PPM1H: variants seen among roughly 807,000 people sequenced by gnomAD.
The protein encoded by PPM1H is protein phosphatase 1H.
A neutral mutation model predicts 54.9 loss-of-function variants in PPM1H; 27 were observed. The ratio of observed to expected loss-of-function variants is 0.49; its 90% confidence interval spans 0.36 to 0.68. The LOEUF (loss-of-function observed/expected upper bound fraction) is 0.68. Among genes scored for constraint, PPM1H ranks in the 30% least tolerant of loss-of-function variants. PPM1H has a pLI of 0.00. For missense variants in PPM1H, 596 were observed against 667.8 expected (o/e 0.89, Z 1.19); for synonymous variants, 305 against 270.8 (o/e 1.13, Z -1.24).
At chr12:62,748,023 G>T (rs2076422131) in intron 4 of PPM1H, among the ~76,000 whole-genome samples, 1 of 152,174 alleles carries the variant, frequency 6.6e-6, no homozygotes, top group African/African-American at 2.4e-5. Context: ...CTAGCTGCTG[G>T]ACTTGAGAAG....
chr12:62,695,779 C>T (rs558559508), intron 6 of PPM1H, among the ~76,000 whole-genome samples: 2 of 152,240 alleles, frequency 1.3e-5, no homozygotes, highest in East Asian at 3.9e-4. Context: ...CAATTAGCCC[C>T]TTATCAGCTT....
At chr12:62,683,025 GTTTATTA>G (rs1204633115) in intron 8 of PPM1H, among the ~76,000 whole-genome samples, 8 of 140,210 alleles carry the variant, frequency 5.7e-5, no homozygotes, top group East Asian at 2.0e-4. Flanking sequence ...ATTTGGGAGA[GTTTATTA>G]TTTATTATTA....
intron 6 of PPM1H, among the ~76,000 whole-genome samples, chr12:62,694,851 G>A (rs2076105077): frequency 6.6e-6 from 1 of 152,198 alleles, no homozygotes; most frequent in African/African-American, 2.4e-5. Flanking sequence ...AGCCCACTTA[G>A]TGGCAGTTAT....
intron 1 of PPM1H, among the ~76,000 whole-genome samples, chr12:62,833,034 G>T (rs1430723969): frequency 6.6e-6 from 1 of 152,080 alleles, no homozygotes; most frequent in Non-Finnish European, 1.5e-5. Flanking sequence ...TTCTCTATCA[G>T]GTGACTATAG....
chr12:62,841,815 AATAAAG>A (rs1868761978), intron 1 of PPM1H, among the ~76,000 whole-genome samples: 1 of 152,202 alleles, frequency 6.6e-6, no homozygotes. Context: ...AAAAACAAAC[AATAAAG>A]ATCAAAAGAA....
intron 4 of PPM1H, among the ~76,000 whole-genome samples, chr12:62,769,280 T>C (rs978224744): frequency 6.6e-6 from 1 of 152,196 alleles, no homozygotes; most frequent in Non-Finnish European, 1.5e-5. Flanking sequence ...GTAAGGAAGT[T>C]GTCTGCAGAG....
At chr12:62,754,411 CA>C (rs1293406653) in intron 4 of PPM1H, among the ~76,000 whole-genome samples, 1 of 152,076 alleles carries the variant, frequency 6.6e-6, no homozygotes, top group East Asian at 1.9e-4. Context: ...AGCAAAAACA[CA>C]AAATATTAGC....
rs762065437 is a variant in PPM1H at position 62,689,695 on chromosome 12, G to A, written c.1245+4C>T. 8.7e-6 allele frequency: 14 copies of A among 1,609,118 alleles called. No homozygotes were observed. Among genetic ancestry groups the A allele is most frequent in the Admixed American group, 1.7e-5 (1 of 59,754 alleles). The stretch of plus-strand genomic sequence containing the variant: ...AAAATATAAACAAAAACCTCATGCG[G>A]TACCTCTGGAGCTGAAGACAGGAAT... On this transcript the variant is annotated splice_donor_region_variant and intron_variant, in intron 8 of 9. Transcript: ENST00000228705.
rs980410818 is a variant in PPM1H at position 62,924,101 on chromosome 12, G to A, written c.245+10391C>T. Among the ~76,000 whole-genome samples the A allele has an allele frequency of 3.3e-5, 5 of 152,274 alleles. No individual in the cohort carries two copies. The South Asian group carries it at 1.0e-3, about 32-fold the overall frequency. On this transcript the variant is annotated intron_variant, in intron 1 of 9. Transcript: ENST00000228705. ...AAATAAAGTTAATAACCTCATGTCA[G>A]TCTTCTCAATATTTCTGAAATGATA...
At chr12:62,870,523 A>C (rs1869938121) in intron 1 of PPM1H, among the ~76,000 whole-genome samples, 1 of 152,188 alleles carries the variant, frequency 6.6e-6, no homozygotes, top group Non-Finnish European at 1.5e-5. Flanking sequence ...TGGAGAAAAG[A>C]ATGGATTTGA....
At chr12:62,659,274 A>AAAAAAAAAAAAAAAAAAAAG (rs2075867734) in intron 9 of PPM1H, 1 of 473,846 alleles carries the variant, frequency 2.1e-6, no homozygotes, top group Admixed American at 3.6e-5. Flanking sequence ...AACTGCAAAA[A>AAAAAAAAAAAAAAAAAAAAG]AAAAAAAAAA....
chr12:62,867,557 G>A (rs969201257), intron 1 of PPM1H, among the ~76,000 whole-genome samples: 6 of 125,244 alleles, frequency 4.8e-5, no homozygotes, highest in Admixed American at 2.4e-4. Context: ...TACATCTTAT[G>A]AGCACTATTT....
At chr12:62,829,065 A>C (rs887136339) in intron 2 of PPM1H, among the ~76,000 whole-genome samples, 3 of 152,194 alleles carry the variant, frequency 2.0e-5, no homozygotes, top group African/African-American at 7.2e-5. Context: ...ATTAAACAGA[A>C]TTATCACATA....
chr12:62,680,055 G>C, intron 8 of PPM1H, among the ~76,000 whole-genome samples: 1 of 152,146 alleles, frequency 6.6e-6, no homozygotes, highest in Middle Eastern at 3.2e-3. Context: ...TTCACATCAA[G>C]AGGTGGATCC....
chr12:62,690,616 G>A (rs559406643), intron 7 of PPM1H, among the ~76,000 whole-genome samples: 1 of 152,352 alleles, frequency 6.6e-6, no homozygotes, highest in South Asian at 2.1e-4. Flanking sequence ...TTTATTGGGT[G>A]CCTACTATGT....
intron 1 of PPM1H, among the ~76,000 whole-genome samples, chr12:62,845,883 A>G (rs954347074): frequency 8.5e-5 from 13 of 152,112 alleles, no homozygotes; most frequent in African/African-American, 3.1e-4. Flanking sequence ...CTCAAATACA[A>G]TCCTCCTTCT....
intron 8 of PPM1H, among the ~76,000 whole-genome samples, chr12:62,683,742 G>C (rs187358204): frequency 6.6e-6 from 1 of 152,340 alleles, no homozygotes; most frequent in Admixed American, 6.5e-5. Flanking sequence ...CCCAAATAGA[G>C]AGGGCCTTGT....
At chr12:62,787,761 T>C (rs990263591) in intron 4 of PPM1H, among the ~76,000 whole-genome samples, 4 of 152,228 alleles carry the variant, frequency 2.6e-5, no homozygotes, top group African/African-American at 9.6e-5. Context: ...TTTCCTTCAG[T>C]TGAACCCGGA....
At chr12:62,904,219 G>C (rs1196494862) in intron 1 of PPM1H, among the ~76,000 whole-genome samples, 1 of 152,006 alleles carries the variant, frequency 6.6e-6, no homozygotes, top group Non-Finnish European at 1.5e-5. Flanking sequence ...GAGCTGTGGG[G>C]TACAAAATTA....
Sources: gnomAD v4.1 joint callset for allele counts (sites outside exome capture counted in the v4.1 genomes callset) on GRCh38, gnomAD v4.1.1 for gene constraint, MANE v1.5 for transcripts, NCBI Gene and HGNC (gene_info 2026-07-23, HGNC 2026-07-21) for gene names.